Variants in NLGN1 observed in about 807,000 individuals in gnomAD.
The protein encoded by NLGN1 is neuroligin 1.
In NLGN1, 12 loss-of-function variants were observed where a neutral mutation model predicts 65.5. That is an observed-to-expected ratio of 0.18 (90% confidence interval 0.12 to 0.30). The LOEUF (loss-of-function observed/expected upper bound fraction) is 0.30. Ranked by LOEUF, NLGN1 falls within the 10% of genes least tolerant of loss-of-function variation. NLGN1 has a pLI of 1.00. For missense variants in NLGN1, 750 were observed against 1,007.1 expected, an observed-to-expected ratio of 0.74 and a Z score of 3.46; for synonymous variants, 350 against 359.5, an observed-to-expected ratio of 0.97 and a Z score of 0.30.
At chr3:173,466,733 A>C (rs1213022305) in intron 2 of NLGN1, among the ~76,000 whole-genome samples, 3 of 152,224 alleles carry the variant, frequency 2.0e-5, no homozygotes, top group Non-Finnish European at 4.4e-5. Flanking sequence ...AAACAATATT[A>C]AATTTAGATT....
chr3:173,503,331 T>C (rs546391826), intron 2 of NLGN1, among the ~76,000 whole-genome samples: 6 of 152,226 alleles, frequency 3.9e-5, no homozygotes, highest in African/African-American at 1.4e-4. Context: ...AACCTCATTT[T>C]CTCAGGGCTC....
intron 4 of NLGN1, among the ~76,000 whole-genome samples, chr3:174,124,836 G>A (rs1390283466): frequency 6.6e-6 from 1 of 151,880 alleles, no homozygotes; most frequent in Non-Finnish European, 1.5e-5. Context: ...GTAACAAAAG[G>A]ACCAAATTTA....
chr3:173,449,833 T>C (rs993651906), intron 2 of NLGN1, among the ~76,000 whole-genome samples: 1 of 152,216 alleles, frequency 6.6e-6, no homozygotes. Context: ...TCTTTGTCTC[T>C]TTTGATCTTT....
the NLGN1 span, among the ~76,000 whole-genome samples, chr3:174,292,673 T>C: frequency 6.6e-6 from 1 of 151,516 alleles, no homozygotes; most frequent in African/African-American, 2.4e-5. Flanking sequence ...TTACTCTTTG[T>C]AGAAGTTATT....
At chr3:174,246,388 C>A (rs947415484) in intron 4 of NLGN1, among the ~76,000 whole-genome samples, 1 of 152,134 alleles carries the variant, frequency 6.6e-6, no homozygotes, top group African/African-American at 2.4e-5. Context: ...GGCCATTATT[C>A]TTGAGGAAAA....
intron 4 of NLGN1, among the ~76,000 whole-genome samples, chr3:174,165,610 T>C (rs1727343018): frequency 1.3e-5 from 2 of 152,118 alleles, no homozygotes; most frequent in Non-Finnish European, 2.9e-5. Flanking sequence ...TAGTATTTTG[T>C]TGAGGATTTT....
chr3:174,237,738 G>C (rs1177574873), intron 4 of NLGN1, among the ~76,000 whole-genome samples: 1 of 152,100 alleles, frequency 6.6e-6, no homozygotes, highest in Non-Finnish European at 1.5e-5. Flanking sequence ...TGTATTTTTA[G>C]TAGAGTTGGG....
intron 4 of NLGN1, among the ~76,000 whole-genome samples, chr3:174,136,769 T>G (rs1721298021): frequency 6.6e-6 from 1 of 152,120 alleles, no homozygotes; most frequent in African/African-American, 2.4e-5. Context: ...TTCAAAGGTG[T>G]TAATATGCCA....
At chr3:173,927,020 C>G (rs1343365567) in intron 4 of NLGN1, among the ~76,000 whole-genome samples, 1 of 152,080 alleles carries the variant, frequency 6.6e-6, no homozygotes, top group African/African-American at 2.4e-5. Context: ...ACTTCTCATT[C>G]CTTTTCTGAA....
At chr3:173,630,063 A>G (rs1338316963) in intron 3 of NLGN1, among the ~76,000 whole-genome samples, 3 of 152,160 alleles carry the variant, frequency 2.0e-5, no homozygotes, top group Admixed American at 6.6e-5. Context: ...TTTAGAATAA[A>G]CTATGTTCCT....
At chr3:173,652,915 T>C (rs1759433895) in intron 3 of NLGN1, among the ~76,000 whole-genome samples, 1 of 152,190 alleles carries the variant, frequency 6.6e-6, no homozygotes, top group Non-Finnish European at 1.5e-5. Context: ...TCCTCTATGA[T>C]TTCTTTCCTC....
chr3:173,663,585 G>A (rs1381933579), intron 3 of NLGN1, among the ~76,000 whole-genome samples: 6 of 151,898 alleles, frequency 4.0e-5, no homozygotes, highest in African/African-American at 9.7e-5. Flanking sequence ...GTAAAGAACC[G>A]TGCTGAACAA....
chr3:173,791,885 C>T lies in NLGN1; in HGVS notation c.494-15795C>T, dbSNP rs554129420. ...TTCTTCACCTGTGAAATGAGGAGTT[C>T]GATAGTCACTCAGTAGGGTCATTTC... On this transcript the variant is annotated intron_variant, in intron 3 of 6. Transcript: ENST00000457714. 7.9e-5 allele frequency among the ~76,000 whole-genome samples: 12 copies of T among 152,106 alleles called. No homozygotes were observed. In the South Asian group the frequency reaches 8.3e-4, roughly 11 times the overall value.
intron 4 of NLGN1, among the ~76,000 whole-genome samples, chr3:174,189,042 G>C (rs1450089136): frequency 1.3e-5 from 2 of 151,906 alleles, no homozygotes; most frequent in Non-Finnish European, 2.9e-5. Context: ...TTTTCACAAT[G>C]ATTAGAAAGG....
chr3:173,447,566 A>G (rs1054156504), intron 2 of NLGN1, among the ~76,000 whole-genome samples: 12 of 152,174 alleles, frequency 7.9e-5, no homozygotes, highest in East Asian at 1.9e-4. Flanking sequence ...TTGGTCCCAT[A>G]TGAACTTTAG....
At chr3:173,862,399 G>T (rs1729295621) in intron 4 of NLGN1, among the ~76,000 whole-genome samples, 1 of 149,204 alleles carries the variant, frequency 6.7e-6, no homozygotes, top group Non-Finnish European at 1.5e-5. Flanking sequence ...CCAGCTACTT[G>T]GGAGGCTGAG....
chr3:173,649,722 G>A (rs1758842589), intron 3 of NLGN1, among the ~76,000 whole-genome samples: 1 of 151,906 alleles, frequency 6.6e-6, no homozygotes. Flanking sequence ...GTTGGTTTTA[G>A]GATTGTATCT....
intron 1 of NLGN1, among the ~76,000 whole-genome samples, chr3:173,408,828 T>C (rs1322635534): frequency 1.3e-5 from 2 of 149,514 alleles, no homozygotes; most frequent in Non-Finnish European, 3.0e-5. Flanking sequence ...AGGAGAATGG[T>C]GTGAACCCGG....
intron 3 of NLGN1, among the ~76,000 whole-genome samples, chr3:173,665,515 A>G (rs1408324871): frequency 6.6e-6 from 1 of 152,310 alleles, no homozygotes; most frequent in East Asian, 1.9e-4. Context: ...GACATTTTGA[A>G]GATAAATGTT....
Sources: gnomAD v4.1 joint callset for allele counts (sites outside exome capture counted in the v4.1 genomes callset) on GRCh38, gnomAD v4.1.1 for gene constraint, MANE v1.5 for transcripts, NCBI Gene and HGNC (gene_info 2026-07-23, HGNC 2026-07-21) for gene names.